The following PDE4D variants were observed in gnomAD, a reference collection of about 807,000 sequenced individuals.
PDE4D encodes phosphodiesterase 4D, also known as 3',5'-cyclic-AMP phosphodiesterase 4D.
A neutral mutation model predicts 87.4 loss-of-function variants in PDE4D; 24 were observed. The ratio of observed to expected loss-of-function variants is 0.27; its 90% CI spans 0.20 to 0.39. The LOEUF is 0.39. Ranked by LOEUF, PDE4D falls within the 10% of genes least tolerant of loss-of-function variation. The pLI, the probability that PDE4D is intolerant of heterozygous loss-of-function variation, is 1.00. For synonymous variants in PDE4D, 384 were observed against 383.2 expected (o/e 1.00, Z -0.02); for missense variants, 714 against 1,041.0 (o/e 0.69, Z 4.32).
At chr5:59,211,849 G>A (rs1750155702) in intron 2 of PDE4D, among the ~76,000 whole-genome samples, 1 of 151,906 alleles carries the variant, frequency 6.6e-6, no homozygotes, top group East Asian at 1.9e-4. Context: ...CTATCTACTA[G>A]GAAGGGATTA....
chr5:59,142,040 G>A (rs907521741), intron 5 of PDE4D, among the ~76,000 whole-genome samples: 9 of 152,104 alleles, frequency 5.9e-5, no homozygotes, highest in Non-Finnish European at 1.3e-4. Flanking sequence ...CCACCCTGTT[G>A]TCTCTGCACA....
At chr5:59,861,026 A>C (rs925629087) in intron 1 of PDE4D, among the ~76,000 whole-genome samples, 14 of 134,966 alleles carry the variant, frequency 1.0e-4, no homozygotes, top group Non-Finnish European at 2.1e-4. Flanking sequence ...CACCTAGATA[A>C]TTTTTTTTTT....
intron 1 of PDE4D, among the ~76,000 whole-genome samples, chr5:60,214,363 C>T (rs1743600664): frequency 6.6e-6 from 1 of 152,132 alleles, no homozygotes; most frequent in Non-Finnish European, 1.5e-5. Flanking sequence ...CAATCTTTCT[C>T]TTGTGTTATC....
Position 59,928,517 on chromosome 5 carries a change from G to A in PDE4D, c.272+59971C>T, listed in dbSNP as rs555543958. ...CACTTGAACCCAGGCGGTGGAGGTC[G>A]CAGTGAGCCGAGATTGTGCCTCTGC... On this transcript the variant is annotated intron_variant, in intron 3 of 16. Transcript: ENST00000502484. 3.9e-5 allele frequency among the ~76,000 whole-genome samples: 6 copies of A among 152,170 alleles called. No homozygotes were observed. In the South Asian group the frequency reaches 8.3e-4, roughly 21 times the overall value.
intron 1 of PDE4D, among the ~76,000 whole-genome samples, chr5:59,675,455 A>G (rs981178385): frequency 3.9e-5 from 6 of 152,216 alleles, no homozygotes; most frequent in African/African-American, 9.6e-5. Context: ...ACAAACAGTC[A>G]TGATATTTTT....
chr5:60,152,376 A>G (rs1781584491), intron 2 of PDE4D, among the ~76,000 whole-genome samples: 1 of 152,090 alleles, frequency 6.6e-6, no homozygotes, highest in African/African-American at 2.4e-5. Flanking sequence ...TGAGGGGGCC[A>G]GGTGTGGTGG....
chr5:59,899,457 A>G (rs1404299206), intron 3 of PDE4D, among the ~76,000 whole-genome samples: 1 of 151,826 alleles, frequency 6.6e-6, no homozygotes, highest in African/African-American at 2.4e-5. Flanking sequence ...ATGTATTTAT[A>G]TATACATATG....
At chr5:59,204,193 CAAAA>C (rs11346574) in intron 2 of PDE4D, among the ~76,000 whole-genome samples, 4 of 133,790 alleles carry the variant, frequency 3.0e-5, no homozygotes, top group African/African-American at 7.9e-5. Flanking sequence ...CATCTTTGAC[CAAAA>C]AAAAAAAAAA....
At chr5:60,471,061 G>A (rs187225690) in intron 1 of PDE4D, among the ~76,000 whole-genome samples, 1 of 152,260 alleles carries the variant, frequency 6.6e-6, no homozygotes, top group African/African-American at 2.4e-5. Context: ...CACCATTCTA[G>A]ATGCCATTAA....
At chr5:60,453,161 CT>C (rs1194425592) in intron 1 of PDE4D, among the ~76,000 whole-genome samples, 2 of 152,196 alleles carry the variant, frequency 1.3e-5, no homozygotes, top group East Asian at 3.9e-4. Context: ...AATGATACAT[CT>C]ATTTAAAAGC....
intron 2 of PDE4D, among the ~76,000 whole-genome samples, chr5:60,172,771 AT>A (rs1288725208): frequency 6.6e-6 from 1 of 152,132 alleles, no homozygotes; most frequent in Non-Finnish European, 1.5e-5. Flanking sequence ...ATGTGGCTCT[AT>A]CCCTGCAGAA....
intron 1 of PDE4D, among the ~76,000 whole-genome samples, chr5:59,566,591 T>C (rs1046279019): frequency 3.0e-5 from 3 of 100,720 alleles, no homozygotes; most frequent in Non-Finnish European, 6.4e-5. Flanking sequence ...TGTGAGAGAA[T>C]GAGAGAGAGA....
intron 1 of PDE4D, among the ~76,000 whole-genome samples, chr5:59,693,993 T>C (rs1302884330): frequency 6.6e-6 from 1 of 152,054 alleles, no homozygotes; most frequent in African/African-American, 2.4e-5. Flanking sequence ...AGAAAATGAA[T>C]AGCATTTGAA....
At chr5:59,392,349 C>T (rs189069425) in intron 1 of PDE4D, among the ~76,000 whole-genome samples, 1 of 152,100 alleles carries the variant, frequency 6.6e-6, no homozygotes, top group Admixed American at 6.6e-5. Flanking sequence ...ATGCTGGATG[C>T]TTCCTTCTCT....
chr5:59,781,265 T>C (rs1481232011), intron 1 of PDE4D, among the ~76,000 whole-genome samples: 3 of 151,536 alleles, frequency 2.0e-5, no homozygotes, highest in African/African-American at 7.3e-5. Flanking sequence ...TCCTACATGA[T>C]TGGTTTATGT....
intron 3 of PDE4D, among the ~76,000 whole-genome samples, chr5:59,188,312 C>T (rs758951689): frequency 1.3e-4 from 20 of 152,198 alleles, no homozygotes; most frequent in Non-Finnish European, 1.8e-4. Context: ...GTCAAAATTA[C>T]ATTGGGAATG....
chr5:59,387,431 T>C (rs1787305083), intron 1 of PDE4D, among the ~76,000 whole-genome samples: 1 of 152,048 alleles, frequency 6.6e-6, no homozygotes, highest in Non-Finnish European at 1.5e-5. Context: ...TTATAAATAA[T>C]AATGGAGAAA....
At chr5:59,751,644 A>G (rs1760500630) in intron 1 of PDE4D, among the ~76,000 whole-genome samples, 3 of 143,766 alleles carry the variant, frequency 2.1e-5, no homozygotes, top group South Asian at 4.4e-4. Context: ...AAGCGAGAGC[A>G]AGAGAGAGAG....
At chr5:59,360,386 T>C (rs1370709986) in intron 1 of PDE4D, among the ~76,000 whole-genome samples, 1 of 152,094 alleles carries the variant, frequency 6.6e-6, no homozygotes, top group East Asian at 1.9e-4. Context: ...TATTTTGAAA[T>C]AGTCTCTGGT....
Sources: gnomAD v4.1 joint callset for allele counts (sites outside exome capture counted in the v4.1 genomes callset) on GRCh38, gnomAD v4.1.1 for gene constraint, MANE v1.5 for transcripts, NCBI Gene and HGNC (gene_info 2026-07-23, HGNC 2026-07-21) for gene names.